The following ZFYVE26 variants were observed in gnomAD, a reference collection of about 807,000 sequenced individuals.
The protein encoded by ZFYVE26 is zinc finger FYVE domain-containing protein 26.
A neutral mutation model predicts 276.5 loss-of-function variants in ZFYVE26; 181 were observed. That is an observed-to-expected ratio of 0.65 (90% CI 0.58 to 0.74). The LOEUF is 0.74. ZFYVE26 is among the 30% of genes least tolerant of loss of function. The pLI is 0.00. For synonymous variants in ZFYVE26, 1,129 were observed against 1,203.1 expected, an observed-to-expected ratio of 0.94 and a Z score of 1.27; for missense variants, 2,821 against 3,097.9, an observed-to-expected ratio of 0.91 and a Z score of 2.12.
rs1465803701 is a variant in ZFYVE26 at position 67,816,576 on chromosome 14, T to A, written c.-126A>T. 6.6e-6 allele frequency: 1 copy of A among 152,278 alleles called. No individual in the cohort carries two copies. The highest frequency in any genetic ancestry group is 1.5e-5 in the Non-Finnish European group (1 of 68,176). 9.4% of individuals were successfully genotyped at this position (152,278 alleles called of 1,614,324 possible). ...AGCAATAGAGCTCTCAGCGCAGCCA[T>A]GTTTGAGCCGAGTCAGGTGACAGAA... On this transcript the variant is annotated 5_prime_UTR_variant, in exon 1 of 42. The change abolishes an upstream ATG in the 5' untranslated region. Coordinates refer to ENST00000347230, the MANE Select transcript of ZFYVE26 (RefSeq NM_015346.4).
intron 13 of ZFYVE26, among the ~76,000 whole-genome samples, chr14:67,733,008 T>C (rs1404982862): frequency 6.6e-6 from 1 of 152,064 alleles, no homozygotes; most frequent in Non-Finnish European, 1.5e-5. Flanking sequence ...CATTAGGAGA[T>C]ATACCTAATG....
chr14:67,807,744 G>T lies in ZFYVE26; in HGVS notation c.540C>A (p.Asp180Glu). The T allele has an allele frequency of 6.2e-7, 1 of 1,614,162 alleles. No individual in the cohort carries two copies. The change falls in exon 5 of 42, where the codon GAC (aspartate) becomes GAA (glutamate). Residue 180 changes from aspartate (D) to glutamate (E), a missense_variant. Transcript: ENST00000347230. ...ALLELLLEEDDGTGLCHWPLQ... is the reference protein window; with the variant it reads ...ALLELLLEEDEGTGLCHWPLQ... Reference sequence around the variant, plus strand: ...GAGGCCAGTGACAGAGGCCAGTACCGTCATCCTCCTCAAGCAGGAGCTCCA... The same window carrying T: ...GAGGCCAGTGACAGAGGCCAGTACCTTCATCCTCCTCAAGCAGGAGCTCCA...
At chr14:67,793,482 C>T in intron 14 of ZFYVE26, 126 bp downstream of exon 14, 1 of 1,097,916 alleles carries the variant, frequency 9.1e-7, no homozygotes, top group Non-Finnish European at 1.3e-6. Flanking sequence ...GAAACCCCCT[C>T]TTGCTTCTGC....
chr14:67,744,644 A>C (rs1294138164), downstream of ZFYVE26, among the ~76,000 whole-genome samples: 7 of 152,054 alleles, frequency 4.6e-5, no homozygotes, highest in Non-Finnish European at 1.0e-4. Flanking sequence ...ACTTCCACTT[A>C]TGAGTGAGAA....
chr14:67,783,350 G>A lies in ZFYVE26; in HGVS notation c.3802C>T (p.Leu1268Phe), dbSNP rs202021708. 35 of 1,613,260 alleles carry A rather than the reference G, an allele frequency of 2.2e-5. No homozygotes were observed. In the African/African-American group the frequency reaches 4.1e-4, roughly 19 times the overall value. The change falls in exon 21 of 42, where the codon CTC becomes TTC. Residue 1268 changes from leucine (L) to phenylalanine (F), a missense_variant. Transcript: ENST00000347230. ...QLHASHCLDD[L>F]PLSTPSSPRT... ...GGGGAGCTCGGTGTAGAAAGTGGGA[G>A]GTCATCCAGGCAGTGAGAGGCGTGT... is the stretch of plus-strand genomic sequence containing the variant.
intron 21 of ZFYVE26, among the ~76,000 whole-genome samples, chr14:67,781,760 TGA>T (rs1278074318): frequency 1.3e-5 from 2 of 151,852 alleles, no homozygotes; most frequent in African/African-American, 4.8e-5. Context: ...ATAATAGCCA[TGA>T]GACTTTCAGA....
Position 67,766,268 on chromosome 14 carries a change from G to C in ZFYVE26, c.5970C>G (p.Phe1990Leu). Residue 1990 changes from phenylalanine to leucine, a missense_variant, in exon 32 of 42, where the codon TTC (phenylalanine) becomes TTG (leucine). By Grantham distance (22) the Phe-to-Leu change is conservative. Coordinates refer to ENST00000347230, the MANE Select transcript of ZFYVE26 (RefSeq NM_015346.4). ...KQLLFSAKMM[F>L]VKAGQSQDLA... The stretch of plus-strand genomic sequence containing the variant: ...AGTCTTGGCTCTGGCCGGCTTTGAC[G>C]AACATCATCTTGGCGCTGAACAGCA... 1 of 1,613,998 alleles carries C rather than the reference G, an allele frequency of 6.2e-7. No individual in the cohort carries two copies. The highest frequency in any genetic ancestry group is 8.5e-7 in the Non-Finnish European group (1 of 1,180,034).
Position 67,729,311 on chromosome 14 carries a change from AG to A in ZFYVE26, n.3187del, listed in dbSNP as rs1594867551. 4 of 1,600,818 alleles carry A rather than the reference AG, an allele frequency of 2.5e-6. No homozygotes were observed. The highest frequency in any genetic ancestry group is 2.5e-6 in the Non-Finnish European group (3 of 1,179,868). On this transcript the variant is annotated non_coding_transcript_exon_variant, in exon 14 of 15. Transcript: ENST00000394455. ...TCCCCCTTTGTCAAGACGGCACGGGAGGGGGCGCAGACCAGCCTGCACTGCG... is the reference window on the plus strand; with the variant it reads ...TCCCCCTTTGTCAAGACGGCACGGGAGGGGCGCAGACCAGCCTGCACTGCG...
chr14:67,804,081 G>A lies in ZFYVE26; in HGVS notation c.1435+20C>T, dbSNP rs1178177537. The stretch of plus-strand genomic sequence containing the variant: ...TGTCCTAAGAGGAAATCCTGGCCAG[G>A]TCATTCCATCCCAACTCACCAGGCT... On this transcript the variant is annotated intron_variant, in intron 9 of 41. Transcript: ENST00000347230. 3.1e-6 allele frequency: 5 copies of A among 1,613,584 alleles called. No individual in the cohort carries two copies. The Admixed American group carries it at 8.3e-5, about 27-fold the overall frequency.
At chr14:67,799,232 G>T in intron 10 of ZFYVE26, 1 of 1,613,366 alleles carries the variant, frequency 6.2e-7, no homozygotes, top group Non-Finnish European at 8.5e-7. Context: ...GGCCTATCTG[G>T]ACTTCAAGGG....
At chr14:67,742,503 G>A (rs564506155), downstream of ZFYVE26, among the ~76,000 whole-genome samples, 7 of 152,330 alleles carry the variant, frequency 4.6e-5, no homozygotes, top group South Asian at 1.5e-3. Flanking sequence ...TTATAGAGAA[G>A]TCCTTTGATT....
chr14:67,799,747 G>A (rs1236945431), intron 10 of ZFYVE26: 2 of 692,446 alleles, frequency 2.9e-6, no homozygotes, highest in Non-Finnish European at 5.0e-6. Flanking sequence ...AGATTGACTA[G>A]GCCAAGCAGA....
At chr14:67,792,166 G>C (rs1263393520) in intron 14 of ZFYVE26, among the ~76,000 whole-genome samples, 1 of 151,940 alleles carries the variant, frequency 6.6e-6, no homozygotes, top group Non-Finnish European at 1.5e-5. Flanking sequence ...AAAATGATCA[G>C]AGAAGGTTAA....
At chr14:67,790,909 A>C in intron 14 of ZFYVE26, 136 bp from the exon 15 acceptor site, 2 of 794,254 alleles carry the variant, frequency 2.5e-6, no homozygotes, top group South Asian at 2.8e-5. Flanking sequence ...AAGAGCACTG[A>C]ATGTTAGAAG....
chr14:67,787,925 T>C (rs1009243073), intron 16 of ZFYVE26, among the ~76,000 whole-genome samples: 1 of 152,232 alleles, frequency 6.6e-6, no homozygotes, highest in Non-Finnish European at 1.5e-5. Flanking sequence ...TGGACTTGAC[T>C]GGTAAGAAGT....
chr14:67,756,210 C>T, intron 35 of ZFYVE26, 65 bp from the exon 36 acceptor site: 5 of 1,545,734 alleles, frequency 3.2e-6, no homozygotes, highest in Non-Finnish European at 3.6e-6. Flanking sequence ...CTGGGATCCA[C>T]TCTGAATTTC....
At chr14:67,800,335 T>C (rs770029800) in intron 10 of ZFYVE26, among the ~76,000 whole-genome samples, 1 of 152,226 alleles carries the variant, frequency 6.6e-6, no homozygotes, top group Non-Finnish European at 1.5e-5. Flanking sequence ...ATGTATGTTA[T>C]AGTCCTGCCA....
At chr14:67,729,410 C>G (rs200959375) in exon 14 of ZFYVE26, 25 of 1,588,584 alleles carry the variant, frequency 1.6e-5, no homozygotes, top group Non-Finnish European at 2.0e-5. Flanking sequence ...TTCTCTCCAC[C>G]ACCTGTGTGC....
In ZFYVE26 at chr14:67,765,152, A is replaced by G. The variant is rs563790380; in HGVS notation, c.6011+1075T>C. Among the ~76,000 whole-genome samples the G allele has an allele frequency of 7.2e-5, 11 of 152,258 alleles. No homozygotes were observed. In the South Asian group the frequency reaches 2.3e-3, roughly 32 times the overall value. The stretch of plus-strand genomic sequence containing the variant: ...TTATCAACTTGAAAAATGATGTAGA[A>G]TCTATTACCTCTTGATATAAAGGAA... On this transcript the variant is annotated intron_variant, in intron 32 of 41. Coordinates refer to ENST00000347230, the MANE Select transcript of ZFYVE26 (RefSeq NM_015346.4).
Sources: allele counts gnomAD v4.1 joint callset (sites outside exome capture counted in the v4.1 genomes callset), GRCh38; gene constraint gnomAD v4.1.1; transcripts MANE v1.5; gene names NCBI Gene and HGNC (gene_info 2026-07-23, HGNC 2026-07-21).